GAPVD1: variants seen among roughly 807,000 people sequenced by gnomAD.
GAPVD1 encodes GTPase-activating protein and VPS9 domain-containing protein 1.
A neutral mutation model predicts 155.5 loss-of-function variants in GAPVD1; 35 were observed. The ratio of observed to expected loss-of-function variants is 0.23; its 90% CI spans 0.17 to 0.30. The LOEUF is 0.30. GAPVD1 is among the 10% of genes least tolerant of loss of function. The pLI is 1.00. For synonymous variants in GAPVD1, 636 were observed against 619.7 expected (o/e 1.03, Z -0.39); for missense variants, 1,429 against 1,775.7 (o/e 0.80, Z 3.51).
At position 125,307,697 on chromosome 9, in the gene GAPVD1, T is replaced by G. The variant is rs764258089; in HGVS notation, c.1258T>G (p.Phe420Val). ...TYSQLITLVNFMKSVMSGDQL... is the reference protein window; with the variant it reads ...TYSQLITLVNVMKSVMSGDQL... The stretch of plus-strand genomic sequence containing the variant: ...TGTTCTTTGCTTTTGCCAGGTGAAT[T>G]TTATGAAGAGTGTGATGTCTGGAGA... The change falls in exon 8 of 28, where the codon TTT becomes GTT. Residue 420 changes from phenylalanine (F) to valine (V), a missense_variant. Physicochemically the swap from Phe to Val is conservative, Grantham distance 50 (BLOSUM62 -1). Around this residue, in one of 4 missense-constraint regions of GAPVD1, gnomAD observed 628 missense variants for 733.4 expected, o/e 0.86. Coordinates refer to ENST00000297933, the MANE Select transcript of GAPVD1 (RefSeq NM_001282680.3). The G allele has an allele frequency of 3.7e-6, 6 of 1,613,224 alleles. No homozygotes were observed. The highest frequency in any genetic ancestry group is 4.2e-6 in the Non-Finnish European group (5 of 1,179,302).
rs1284495415 is a variant in GAPVD1 at position 125,337,279 on chromosome 9, A to G, written c.2565A>G (p.Pro855=). 1 of 1,614,184 alleles carries G rather than the reference A, an allele frequency of 6.2e-7. No homozygotes were observed. The highest frequency in any genetic ancestry group is 8.5e-7 in the Non-Finnish European group (1 of 1,179,990). ...ATGCTAGGCCATCGCATCCACCACC[A>G]GATCCCCCAATCCTGGAAGGAGCTG... ...VHYARPSHPP[P]DPPILEGAVG... Residue 855 remains proline, a synonymous_variant, in exon 17 of 28, where the codon CCA becomes CCG. Transcript: ENST00000297933.
At chr9:125,307,641 T>C (rs772764440) in intron 7 of GAPVD1, 50 bp from the exon 8 acceptor site, 26 of 1,544,676 alleles carry the variant, frequency 1.7e-5, no homozygotes, top group South Asian at 1.2e-4. Flanking sequence ...GAAATACATA[T>C]TGTATTTGAA....
chr9:125,359,406 TG>T lies in GAPVD1; in HGVS notation c.3972-8del. The T allele has an allele frequency of 1.3e-6, 2 of 1,487,476 alleles. No individual in the cohort carries two copies. Among genetic ancestry groups the T allele is most frequent in the Non-Finnish European group, 9.4e-7 (1 of 1,066,232 alleles). The allele number at this position is 1,487,476 out of a possible 1,614,324, so 92.1% of individuals were successfully genotyped here. On this transcript the variant is annotated splice_polypyrimidine_tract_variant and intron_variant, in intron 25 of 27. Transcript: ENST00000297933. ...GAAATGAATGTTTACATGTGTATTT[TG>T]GGGGGTTTTCAGGGTTCTTCATGAA...
At chr9:125,292,191 A>G (rs574781145) in intron 2 of GAPVD1, among the ~76,000 whole-genome samples, 4 of 152,022 alleles carry the variant, frequency 2.6e-5, no homozygotes, top group Non-Finnish European at 4.4e-5. Flanking sequence ...GAGCCATGAT[A>G]CCGCCACTGC....
chr9:125,297,781 T>C (rs1163197521), intron 3 of GAPVD1, among the ~76,000 whole-genome samples: 2 of 152,214 alleles, frequency 1.3e-5, no homozygotes, highest in African/African-American at 4.8e-5. Flanking sequence ...AGTCTCACTC[T>C]ATTGCCCAGG....
At chr9:125,353,615 A>T (rs1051712208) in intron 23 of GAPVD1, among the ~76,000 whole-genome samples, 32 of 152,340 alleles carry the variant, frequency 2.1e-4, no homozygotes, top group African/African-American at 7.0e-4. Flanking sequence ...GTTTAATTGG[A>T]CTTAACAGTT....
chr9:125,297,515 A>G (rs1432875219), intron 3 of GAPVD1, among the ~76,000 whole-genome samples: 14 of 152,218 alleles, frequency 9.2e-5, no homozygotes, highest in Admixed American at 9.2e-4. Context: ...CCTTCCAGAC[A>G]GAGAGGTCAG....
chr9:125,270,580 C>CT (rs1834735143), intron 2 of GAPVD1, among the ~76,000 whole-genome samples: 2 of 152,128 alleles, frequency 1.3e-5, no homozygotes, highest in African/African-American at 4.8e-5. Context: ...GTTTAAAACT[C>CT]TAATACAGTG....
chr9:125,300,105 G>A (rs1425357025), intron 4 of GAPVD1, among the ~76,000 whole-genome samples: 1 of 101,454 alleles, frequency 9.9e-6, no homozygotes, highest in Non-Finnish European at 1.9e-5. Context: ...GTATTTCCAT[G>A]TTTTGATATT....
chr9:125,367,205 G>C lies in GAPVD1; in HGVS notation c.*4459G>C, dbSNP rs1233596509. The C allele has an allele frequency of 6.6e-6, 1 of 152,094 alleles. No individual in the cohort carries two copies. Among genetic ancestry groups the C allele is most frequent in the African/African-American group, 2.4e-5 (1 of 41,394 alleles). The allele number at this position is 152,094 out of a possible 1,614,324, so 9.4% of individuals were successfully genotyped here. ...AAAGGGGAGAGCAGTTTGATTCACA[G>C]GGTTTTATGTTTCTGTCATCTATTT... On this transcript the variant is annotated 3_prime_UTR_variant, in exon 28 of 28. Transcript: ENST00000297933.
At chr9:125,320,935 T>C (rs1308418120) in intron 9 of GAPVD1, among the ~76,000 whole-genome samples, 1 of 152,224 alleles carries the variant, frequency 6.6e-6, no homozygotes, top group East Asian at 1.9e-4. Flanking sequence ...CTTGTTGATT[T>C]ACTTTCTTTA....
chr9:125,327,306 C>G (rs1047841771), intron 12 of GAPVD1, among the ~76,000 whole-genome samples: 2 of 151,872 alleles, frequency 1.3e-5, no homozygotes, highest in African/African-American at 4.8e-5. Flanking sequence ...TAACCCTCAT[C>G]TTCATTTTGT....
chr9:125,346,832 T>C lies in GAPVD1; in HGVS notation c.3060T>C (p.Pro1020=), dbSNP rs1407506036. The C allele has an allele frequency of 6.2e-7, 1 of 1,613,992 alleles. No homozygotes were observed. Among genetic ancestry groups the C allele is most frequent in the South Asian group, 1.1e-5 (1 of 91,078 alleles). Residue 1020 remains proline, a synonymous_variant, in exon 20 of 28, where the codon CCT becomes CCC. Transcript: ENST00000297933. ...RFSTLTDDPS[P]RLSAQAQVAE... Reference sequence around the variant, plus strand: ...TTTCCCTTGCAGATGATCCCAGCCCTAGACTCAGTGCACAAGCTCAGGTGG... The same window carrying C: ...TTTCCCTTGCAGATGATCCCAGCCCCAGACTCAGTGCACAAGCTCAGGTGG...
chr9:125,299,188 C>A, intron 4 of GAPVD1, 82 bp downstream of exon 4: 1 of 701,130 alleles, frequency 1.4e-6, no homozygotes, highest in Non-Finnish European at 2.3e-6. Context: ...ATAAATGAAT[C>A]TGTTTCCAAC....
At chr9:125,351,872 C>T (rs1445081978) in intron 23 of GAPVD1, among the ~76,000 whole-genome samples, 3 of 152,114 alleles carry the variant, frequency 2.0e-5, no homozygotes, top group African/African-American at 7.2e-5. Context: ...TCCCAAGTAG[C>T]TGGGATTACA....
At chr9:125,352,306 GACCCTGC>G (rs1280183729) in intron 23 of GAPVD1, among the ~76,000 whole-genome samples, 12 of 152,232 alleles carry the variant, frequency 7.9e-5, no homozygotes, top group African/African-American at 2.9e-4. Flanking sequence ...TCCCCATGAG[GACCCTGC>G]CCCTGCGGCA....
At chr9:125,268,203 C>A (rs1834295909) in intron 1 of GAPVD1, among the ~76,000 whole-genome samples, 2 of 147,490 alleles carry the variant, frequency 1.4e-5, no homozygotes, top group South Asian at 4.5e-4. Flanking sequence ...AACCCCCCCC[C>A]CCAAAAAAAA....
chr9:125,327,377 AG>A (rs1306694576), intron 12 of GAPVD1, among the ~76,000 whole-genome samples: 1 of 152,138 alleles, frequency 6.6e-6, no homozygotes, highest in Non-Finnish European at 1.5e-5. Flanking sequence ...TTTTAGGTTC[AG>A]GGGGTACATG....
chr9:125,355,156 C>T lies in GAPVD1; in HGVS notation c.3757+315C>T, dbSNP rs561456323. On this transcript the variant is annotated intron_variant, in intron 24 of 27. Coordinates refer to ENST00000297933, the MANE Select transcript of GAPVD1 (RefSeq NM_001282680.3). Reference sequence around the variant, plus strand: ...CTTTTGAGACGGAGTCTTGCTCTGTCGCCAGGCTGGAGTACAGTGGCGTGA... The same window carrying T: ...CTTTTGAGACGGAGTCTTGCTCTGTTGCCAGGCTGGAGTACAGTGGCGTGA... Among the ~76,000 whole-genome samples the T allele has an allele frequency of 2.6e-5, 4 of 152,182 alleles. No individual in the cohort carries two copies. In the East Asian group the frequency reaches 5.8e-4, roughly 22 times the overall value.
Sources: gnomAD v4.1 joint callset for allele counts (sites outside exome capture counted in the v4.1 genomes callset) on GRCh38, gnomAD v4.1.1 for gene constraint, gnomAD v4.1.1 regional missense constraint, MANE v1.5 for transcripts, NCBI Gene and HGNC (gene_info 2026-07-23, HGNC 2026-07-21) for gene names.